The following DDX39A variants were observed in gnomAD, a reference collection of about 807,000 sequenced individuals.
DDX39A encodes DExD-box helicase 39A, also known as ATP-dependent RNA helicase DDX39A.
A neutral mutation model predicts 46.3 loss-of-function variants in DDX39A; 13 were observed. The ratio of observed to expected loss-of-function variants is 0.28; its 90% CI spans 0.18 to 0.45. The LOEUF is 0.45. DDX39A is among the 20% of genes least tolerant of loss of function. The pLI, the probability that DDX39A is intolerant of heterozygous loss-of-function variation, is 1.00. For missense variants in DDX39A, 352 were observed against 581.8 expected, an observed-to-expected ratio of 0.61 and a Z score of 4.06; for synonymous variants, 234 against 224.6, an observed-to-expected ratio of 1.04 and a Z score of -0.38.
chr19:14,412,854 C>G lies in DDX39A; in HGVS notation c.208+159G>C. ...TGGTCAAAGCAGAACGCCCCACTGC[C>G]GAGGGCAGCCACAGGCCCCGCTGGG... is the stretch of plus-strand genomic sequence containing the variant. On this transcript the variant is annotated intron_variant, in intron 2 of 10. Coordinates refer to ENST00000242776, the MANE Select transcript of DDX39A (RefSeq NM_005804.4). The surrounding 1 kb of genome is among the most constrained non-coding windows in gnomAD (Gnocchi z 4.4). 2.4e-6 allele frequency: 3 copies of G among 1,248,640 alleles called. No individual in the cohort carries two copies. Among genetic ancestry groups the G allele is most frequent in the Non-Finnish European group, 3.3e-6 (3 of 913,352 alleles). The allele number at this position is 1,248,640 out of a possible 1,614,324, so 77.3% of individuals were successfully genotyped here. A position where few individuals can be genotyped will look rare whatever the true frequency, so the allele number is the denominator to read the frequency against.
rs1976596189 is a variant in DDX39A, at chr19:14,411,636, A to C, written c.337-38T>G. On this transcript the variant is annotated intron_variant, in intron 3 of 10. Transcript: ENST00000242776. This position sits in a 1 kb window ranked among gnomAD's most constrained non-coding sequence, Gnocchi z 4.1. The stretch of plus-strand genomic sequence containing the variant: ...ATAAGAAGAGGGCCTTACCTTAGGC[A>C]GTGTCCTAAACCCCTTCCCCACCAG... 2 of 1,512,064 alleles carry C rather than the reference A, an allele frequency of 1.3e-6. No individual in the cohort carries two copies. The highest frequency in any genetic ancestry group is 1.7e-5 in the Admixed American group (1 of 57,392). 93.7% of individuals were successfully genotyped at this position (1,512,064 alleles called of 1,614,324 possible). A position where few individuals can be genotyped will look rare whatever the true frequency, so the allele number is the denominator to read the frequency against.
Position 14,412,523 on chromosome 19 carries a change from G to A in DDX39A, c.336+28C>T, listed in dbSNP as rs777355020. The A allele has an allele frequency of 2.5e-6, 4 of 1,598,042 alleles. No homozygotes were observed. The South Asian group carries it at 4.4e-5, about 18-fold the overall frequency. ...CTACTTCCGCCGCCACAGGCAGGGTGGGGCCAGGAAGGGAGGAGCCCACCC... is the reference window on the plus strand; with the variant it reads ...CTACTTCCGCCGCCACAGGCAGGGTAGGGCCAGGAAGGGAGGAGCCCACCC... On this transcript the variant is annotated intron_variant, in intron 3 of 10. Coordinates refer to ENST00000242776, the MANE Select transcript of DDX39A (RefSeq NM_005804.4). The surrounding 1 kb of genome is among the most constrained non-coding windows in gnomAD (Gnocchi z 4.4).
chr19:14,409,781 G>A lies in DDX39A; in HGVS notation c.825C>T (p.Arg275=), dbSNP rs756399705. The A allele has an allele frequency of 1.2e-6, 2 of 1,614,064 alleles. No homozygotes were observed. Among genetic ancestry groups the A allele is most frequent in the Non-Finnish European group, 1.7e-6 (2 of 1,180,048 alleles). ...YVKLKDSEKN[R]KLFDLLDVLE... ...GCACATCCAAGAGATCAAAGAGCTT[G>A]CGGTTCTTCTCACTGTCTTTGAGTT... The change falls in exon 7 of 11, where the codon CGC becomes CGT. Residue 275 remains arginine (R), a synonymous_variant. Coordinates refer to ENST00000242776, the MANE Select transcript of DDX39A (RefSeq NM_005804.4). The surrounding 1 kb of genome is among the most constrained non-coding windows in gnomAD (Gnocchi z 8.3).
At chr19:14,413,612 C>T (rs1206881130) in intron 1 of DDX39A, among the ~76,000 whole-genome samples, 3 of 152,194 alleles carry the variant, frequency 2.0e-5, no homozygotes, top group South Asian at 4.1e-4. Context: ...TGGCTGTCAC[C>T]GCCAGGAATG....
intron 1 of DDX39A, among the ~76,000 whole-genome samples, 173 bp from the exon 2 acceptor site, chr19:14,413,397 C>CT (rs1321853656): frequency 6.6e-6 from 1 of 151,556 alleles, no homozygotes; most frequent in Non-Finnish European, 1.5e-5. Flanking sequence ...TACCCCATCT[C>CT]TCCCCCATGC....
Position 14,409,266 on chromosome 19 carries a change from C to G in DDX39A, c.1119+37G>C. 3 of 1,613,218 alleles carry G rather than the reference C, an allele frequency of 1.9e-6. No homozygotes were observed. The highest frequency in any genetic ancestry group is 2.5e-6 in the Non-Finnish European group (3 of 1,179,218). ...AAGCAGGGCTGGGGCCCCACCCCAC[C>G]GCCAGGGGAAAGCAACATGCCCGTG... is the stretch of plus-strand genomic sequence containing the variant. On this transcript the variant is annotated intron_variant, in intron 9 of 10. Coordinates refer to ENST00000242776, the MANE Select transcript of DDX39A (RefSeq NM_005804.4). This position sits in a 1 kb window ranked among gnomAD's most constrained non-coding sequence, Gnocchi z 8.3.
chr19:14,417,488 G>T (rs900387618), intron 1 of DDX39A, among the ~76,000 whole-genome samples: 1 of 117,966 alleles, frequency 8.5e-6, no homozygotes, highest in African/African-American at 3.2e-5. Context: ...TAGCCGGGTG[G>T]GTGGGGGGAG....
chr19:14,413,770 A>G (rs1398799081), intron 1 of DDX39A, among the ~76,000 whole-genome samples: 1 of 152,142 alleles, frequency 6.6e-6, no homozygotes, highest in Non-Finnish European at 1.5e-5. Flanking sequence ...CAGGAGCCCA[A>G]AGATCCCAGG....
chr19:14,410,411 C>A lies in DDX39A; in HGVS notation c.614-77G>T. 1 of 1,286,670 alleles carries A rather than the reference C, an allele frequency of 7.8e-7. No individual in the cohort carries two copies. The highest frequency in any genetic ancestry group is 1.1e-6 in the Non-Finnish European group (1 of 890,572). 79.7% of individuals were successfully genotyped at this position (1,286,670 alleles called of 1,614,324 possible). A position where few individuals can be genotyped will look rare whatever the true frequency, so the allele number is the denominator to read the frequency against. ...CCCCCACCCCAGACCAGACCCAGACCCCTCCCAACCTGTGCCAGGGAGCCA... is the reference window on the plus strand; with the variant it reads ...CCCCCACCCCAGACCAGACCCAGACACCTCCCAACCTGTGCCAGGGAGCCA... On this transcript the variant is annotated intron_variant, in intron 5 of 10. Transcript: ENST00000242776. The surrounding 1 kb of genome is among the most constrained non-coding windows in gnomAD (Gnocchi z 4.3).
chr19:14,415,361 CCAAT>C (rs1377756243), intron 1 of DDX39A, among the ~76,000 whole-genome samples: 2 of 151,876 alleles, frequency 1.3e-5, no homozygotes, highest in Non-Finnish European at 2.9e-5. Flanking sequence ...GTGCAGTGGC[CCAAT>C]CAAAGCTCAC....
intron 1 of DDX39A, among the ~76,000 whole-genome samples, chr19:14,414,936 TAAAAAAAAA>T (rs1006829482): frequency 3.0e-4 from 22 of 72,812 alleles, no homozygotes; most frequent in African/African-American, 8.2e-4. Context: ...CACTCCAGCC[TAAAAAAAAA>T]AAAAAAAAAA....
In DDX39A at chr19:14,409,474, G is replaced by A. The variant is rs1976463407; in HGVS notation, c.975-27C>T. ...TGGGGTGCAGGAGAAACAAGTGGAG[G>A]CCGTCAGACACTGGGCTCCTGGTGG... On this transcript the variant is annotated intron_variant, in intron 8 of 10. Transcript: ENST00000242776. This position sits in a 1 kb window ranked among gnomAD's most constrained non-coding sequence, Gnocchi z 8.3. 1.2e-6 allele frequency: 2 copies of A among 1,612,762 alleles called. No individual in the cohort carries two copies. Among genetic ancestry groups the A allele is most frequent in the African/African-American group, 1.3e-5 (1 of 74,950 alleles).
In DDX39A at chr19:14,411,200, A is replaced by G. The variant is rs1396421878; in HGVS notation, c.430-28T>C. On this transcript the variant is annotated intron_variant, in intron 4 of 10. Coordinates refer to ENST00000242776, the MANE Select transcript of DDX39A (RefSeq NM_005804.4). This position sits in a 1 kb window ranked among gnomAD's most constrained non-coding sequence, Gnocchi z 4.1. ...ATGGGGATGAGGAGGAAACCGCTCC[A>G]TGCTGATACACGGCCCAAGGCCCCA... 2 of 1,544,782 alleles carry G rather than the reference A, an allele frequency of 1.3e-6. No individual in the cohort carries two copies. Among genetic ancestry groups the G allele is most frequent in the Non-Finnish European group, 1.7e-6 (2 of 1,145,952 alleles).
rs191833585 is a variant in DDX39A at position 14,413,182 on chromosome 19, G to A, written c.39C>T (p.Tyr13=). Residue 13 remains tyrosine, a synonymous_variant, in exon 2 of 11, where the codon TAC becomes TAT. Coordinates refer to ENST00000242776, the MANE Select transcript of DDX39A (RefSeq NM_005804.4). ...GAGCCTGGGGCTCTTCCTCTTCATC[G>A]TAATCCAAAAGATCGTTTTCCACAT... is the stretch of plus-strand genomic sequence containing the variant. ...EQDVENDLLD[Y]DEEEEPQAPQ... 70 of 1,614,034 alleles carry A rather than the reference G, an allele frequency of 4.3e-5. No homozygotes were observed. The highest frequency in any genetic ancestry group is 3.5e-4 in the African/African-American group (26 of 75,016).
Position 14,412,774 on chromosome 19 carries a change from G to C in DDX39A, c.209-96C>G. On this transcript the variant is annotated intron_variant, in intron 2 of 10. Transcript: ENST00000242776. The surrounding 1 kb of genome is among the most constrained non-coding windows in gnomAD (Gnocchi z 4.4). ...CGGGGGCCCACAGTGAGGGCAATCA[G>C]AAGAGGCCGAGTCCGGACAAGGCCA... The C allele has an allele frequency of 6.7e-7, 1 of 1,496,700 alleles. No individual in the cohort carries two copies. The highest frequency in any genetic ancestry group is 2.3e-5 in the East Asian group (1 of 43,926). 92.7% of individuals were successfully genotyped at this position (1,496,700 alleles called of 1,614,324 possible).
chr19:14,414,919 C>A (rs1976744006), intron 1 of DDX39A, among the ~76,000 whole-genome samples: 1 of 141,268 alleles, frequency 7.1e-6, no homozygotes, highest in Non-Finnish European at 1.5e-5. Flanking sequence ...GGGCTGAAAT[C>A]ACGCTTCACT....
At chr19:14,419,216 T>G (rs1179431804) in intron 1 of DDX39A, 54 bp downstream of exon 1, 1 of 325,162 alleles carries the variant, frequency 3.1e-6, no homozygotes, top group East Asian at 1.1e-4. Flanking sequence ...GTCCTCTCGC[T>G]CTCAGTTCAG....
chr19:14,411,991 C>T lies in DDX39A; in HGVS notation c.337-393G>A, dbSNP rs1052820239. Reference sequence around the variant, plus strand: ...GACACTGGACCACACCACAGCCCTCCACAGCACCTTCATCCTTCAGGATGT... The same window carrying T: ...GACACTGGACCACACCACAGCCCTCTACAGCACCTTCATCCTTCAGGATGT... On this transcript the variant is annotated intron_variant, in intron 3 of 10. Transcript: ENST00000242776. This position sits in a 1 kb window ranked among gnomAD's most constrained non-coding sequence, Gnocchi z 4.1. Among the ~76,000 whole-genome samples the T allele has an allele frequency of 6.6e-6, 1 of 152,194 alleles. No individual in the cohort carries two copies. Among genetic ancestry groups the T allele is most frequent in the Non-Finnish European group, 1.5e-5 (1 of 68,028 alleles).
chr19:14,413,167 C>T lies in DDX39A; in HGVS notation c.54G>A (p.Glu18=). The T allele has an allele frequency of 1.2e-6, 2 of 1,614,056 alleles. No individual in the cohort carries two copies. The highest frequency in any genetic ancestry group is 2.2e-5 in the South Asian group (2 of 91,084). The change falls in exon 2 of 11, where the codon GAG becomes GAA. Residue 18 remains glutamate, a synonymous_variant. Coordinates refer to ENST00000242776, the MANE Select transcript of DDX39A (RefSeq NM_005804.4). ...NDLLDYDEEE[E]PQAPQESTPA... Reference sequence around the variant, plus strand: ...GTGTGCTCTCTTGAGGAGCCTGGGGCTCTTCCTCTTCATCGTAATCCAAAA... The same window carrying T: ...GTGTGCTCTCTTGAGGAGCCTGGGGTTCTTCCTCTTCATCGTAATCCAAAA...
Sources: gnomAD v4.1 joint callset for allele counts (sites outside exome capture counted in the v4.1 genomes callset) on GRCh38, gnomAD v4.1.1 for gene constraint, Gnocchi (gnomAD v3.1) non-coding constraint, MANE v1.5 for transcripts, NCBI Gene and HGNC (gene_info 2026-07-23, HGNC 2026-07-21) for gene names.